The following MAPK14 variants were observed in gnomAD, a reference collection of about 807,000 sequenced individuals.
MAPK14 encodes CSAID-binding protein.
Under a neutral mutation model 49.6 loss-of-function variants are expected in MAPK14, and 16 were observed. That is an observed-to-expected ratio of 0.32 (90% CI 0.22 to 0.49). The LOEUF (loss-of-function observed/expected upper bound fraction) is 0.49, where lower values mean the gene tolerates loss of function less well. Ranked by LOEUF, MAPK14 falls within the 20% of genes least tolerant of loss-of-function variation. The pLI is 0.99. For synonymous variants in MAPK14, 142 were observed against 158.0 expected (o/e 0.90, Z 0.76); for missense variants, 200 against 441.2 (o/e 0.45, Z 4.90).
intron 9 of MAPK14, chr6:36,096,404 A>T (rs1021917629): frequency 1.9e-5 from 4 of 208,590 alleles, no homozygotes; most frequent in Admixed American, 1.1e-4. Flanking sequence ...TCAAGACCTG[A>T]CTTTCTTCTT....
Position 36,033,558 on chromosome 6 carries a change from G to T in MAPK14, c.116+5285G>T, listed in dbSNP as rs1276217525. On this transcript the variant is annotated intron_variant, in intron 1 of 11. Transcript: ENST00000229794. Reference sequence around the variant, plus strand: ...TCTCGAACTCCTGACCTTGTGATCTGCCCACCTTGGCCTCCCAAAGTGCTG... The same window carrying T: ...TCTCGAACTCCTGACCTTGTGATCTTCCCACCTTGGCCTCCCAAAGTGCTG... Among the ~76,000 whole-genome samples, 5 of 152,224 alleles carry T rather than the reference G, an allele frequency of 3.3e-5. No individual in the cohort carries two copies. The South Asian group carries it at 1.0e-3, about 32-fold the overall frequency.
At chr6:36,120,756 C>G in the MAPK14 span, among the ~76,000 whole-genome samples, 5 of 152,182 alleles carry the variant, frequency 3.3e-5, no homozygotes, top group African/African-American at 1.2e-4. Flanking sequence ...TCACTGTTTC[C>G]TGTTGCCGCC....
At chr6:36,108,177 GA>G (rs546674873) in intron 11 of MAPK14, among the ~76,000 whole-genome samples, 2 of 151,890 alleles carry the variant, frequency 1.3e-5, no homozygotes, top group South Asian at 2.1e-4. Flanking sequence ...AAAAACATGA[GA>G]AAAAAAATGG....
At chr6:36,083,903 CT>C (rs920409298) in intron 8 of MAPK14, among the ~76,000 whole-genome samples, 1 of 152,144 alleles carries the variant, frequency 6.6e-6, no homozygotes, top group African/African-American at 2.4e-5. Flanking sequence ...GATGAGACCC[CT>C]CCAACAGGGG....
intron 8 of MAPK14, among the ~76,000 whole-genome samples, chr6:36,080,767 C>T (rs1183767768): frequency 2.0e-5 from 3 of 152,022 alleles, no homozygotes; most frequent in Non-Finnish European, 4.4e-5. Flanking sequence ...TGAAGAGCCA[C>T]CAAACTCTTT....
At chr6:36,086,713 T>C (rs1765000483) in intron 8 of MAPK14, among the ~76,000 whole-genome samples, 1 of 152,042 alleles carries the variant, frequency 6.6e-6, no homozygotes. Context: ...CTACCAGAGG[T>C]ACAAAGAAGA....
downstream of MAPK14, among the ~76,000 whole-genome samples, chr6:36,112,960 A>G (rs962016492): frequency 6.6e-6 from 1 of 152,214 alleles, no homozygotes; most frequent in Non-Finnish European, 1.5e-5. Context: ...AAGAGGGACT[A>G]ACTTTTTATA....
At chr6:36,091,555 C>T (rs1194414630) in intron 8 of MAPK14, among the ~76,000 whole-genome samples, 4 of 152,146 alleles carry the variant, frequency 2.6e-5, no homozygotes, top group East Asian at 1.9e-4. Flanking sequence ...GGCTACGTGA[C>T]GCTCCTTCTG....
chr6:36,111,618 G>A (rs149311172), downstream of MAPK14, among the ~76,000 whole-genome samples: 150 of 152,208 alleles, frequency 9.9e-4, no homozygotes, highest in African/African-American at 3.4e-3. Flanking sequence ...ATTGCATCAC[G>A]GGATGAAAGA....
chr6:36,052,228 A>C (rs1348329954), intron 1 of MAPK14, among the ~76,000 whole-genome samples: 1 of 152,170 alleles, frequency 6.6e-6, no homozygotes, highest in African/African-American at 2.4e-5. Flanking sequence ...CAGATGTGGC[A>C]AGGTGACGAC....
At chr6:36,057,706 G>A (rs924612538) in intron 2 of MAPK14, among the ~76,000 whole-genome samples, 5 of 151,258 alleles carry the variant, frequency 3.3e-5, no homozygotes, top group African/African-American at 7.3e-5. Flanking sequence ...CAACAGGAGC[G>A]AAACTCTGTC....
At chr6:36,033,145 CT>C (rs1185297404) in intron 1 of MAPK14, among the ~76,000 whole-genome samples, 1 of 152,242 alleles carries the variant, frequency 6.6e-6, no homozygotes, top group East Asian at 1.9e-4. Context: ...CCATTCTTTT[CT>C]TTGTAACCAA....
intron 8 of MAPK14, among the ~76,000 whole-genome samples, chr6:36,090,602 T>C (rs534705024): frequency 1.3e-5 from 2 of 151,424 alleles, no homozygotes; most frequent in East Asian, 3.9e-4. Flanking sequence ...CTCTGCTCAC[T>C]GCAACCTCCA....
chr6:36,045,856 A>G (rs997406868), intron 1 of MAPK14, among the ~76,000 whole-genome samples: 11 of 150,530 alleles, frequency 7.3e-5, no homozygotes, highest in Non-Finnish European at 1.5e-4. Context: ...CTCATGATAT[A>G]TGCTAACCTC....
intron 3 of MAPK14, among the ~76,000 whole-genome samples, chr6:36,063,866 C>T (rs1481083975): frequency 1.3e-5 from 2 of 152,084 alleles, no homozygotes; most frequent in African/African-American, 4.8e-5. Context: ...ACATCTAGAT[C>T]TCTTAAATGA....
Position 36,028,126 on chromosome 6 carries a change from C to A in MAPK14, c.-32C>A. ...GGGTGCAGGCGGGGGCCCCACAGGG[C>A]CACCTTCTTGCCCGGCGGCTGCCGC... is the stretch of plus-strand genomic sequence containing the variant. On this transcript the variant is annotated 5_prime_UTR_variant, in exon 1 of 12. Transcript: ENST00000229794. The surrounding 1 kb of genome is among the most constrained non-coding windows in gnomAD (Gnocchi z 5.1). 1 of 1,517,380 alleles carries A rather than the reference C, an allele frequency of 6.6e-7. No homozygotes were observed. 94.0% of individuals were successfully genotyped at this position (1,517,380 alleles called of 1,614,324 possible).
intron 2 of MAPK14, among the ~76,000 whole-genome samples, chr6:36,053,214 C>T (rs945413645): frequency 2.7e-5 from 4 of 146,406 alleles, no homozygotes; most frequent in Non-Finnish European, 6.1e-5. Flanking sequence ...TATTAAAAGA[C>T]AAAATAGCCA....
intron 8 of MAPK14, among the ~76,000 whole-genome samples, chr6:36,091,034 C>T (rs1765205810): frequency 6.6e-6 from 1 of 152,148 alleles, no homozygotes; most frequent in Non-Finnish European, 1.5e-5. Context: ...GATTTCCTAC[C>T]TTCCCAAAGG....
In MAPK14 at chr6:36,107,459, C is replaced by T. The variant is rs147327671; in HGVS notation, c.846C>T (p.Val282=). The T allele has an allele frequency of 2.9e-5, 45 of 1,535,812 alleles. No individual in the cohort carries two copies. The highest frequency in any genetic ancestry group is 3.4e-4 in the Middle Eastern group (2 of 5,810). ...TCCTGTCTATGGTACTGATAGCTGTCGACTTGCTGGAGAAGATGCTTGTAT... is the reference window on the plus strand; with the variant it reads ...TCCTGTCTATGGTACTGATAGCTGTTGACTTGCTGGAGAAGATGCTTGTAT... ...NVFIGANPLA[V]DLLEKMLVLD... The change falls in exon 11 of 12, where the codon GTC becomes GTT. Residue 282 remains valine, a synonymous_variant. Transcript: ENST00000229794. The surrounding 1 kb of genome is among the most constrained non-coding windows in gnomAD (Gnocchi z 4.3).
Sources: gnomAD v4.1 joint callset for allele counts (sites outside exome capture counted in the v4.1 genomes callset) on GRCh38, gnomAD v4.1.1 for gene constraint, Gnocchi (gnomAD v3.1) non-coding constraint, MANE v1.5 for transcripts, NCBI Gene and HGNC (gene_info 2026-07-23, HGNC 2026-07-21) for gene names.